SDCCAG8: variants seen among roughly 807,000 people sequenced by gnomAD.
The protein encoded by SDCCAG8 is serologically defined colon cancer antigen 8.
A neutral mutation model predicts 101.8 loss-of-function variants in SDCCAG8; 74 were observed. That is an observed-to-expected ratio of 0.73 (90% CI 0.60 to 0.88). The LOEUF (loss-of-function observed/expected upper bound fraction) is 0.88. SDCCAG8 is among the 40% of genes least tolerant of loss of function. The pLI is 0.00. For missense variants in SDCCAG8, 787 were observed against 822.6 expected, an observed-to-expected ratio of 0.96 and a Z score of 0.53; for synonymous variants, 281 against 292.9, an observed-to-expected ratio of 0.96 and a Z score of 0.41.
In SDCCAG8 at chr1:243,274,628, A is replaced by G. The variant is rs746959035; in HGVS notation, c.392A>G (p.His131Arg). ...AATGACCAGTCTCAATATATTCATCATTTAGAGGCAGAAGTTAAGTTCTGC... is the reference window on the plus strand; with the variant it reads ...AATGACCAGTCTCAATATATTCATCGTTTAGAGGCAGAAGTTAAGTTCTGC... ...TINDQSQYIH[H>R]LEAEVKFCKE... The change falls in exon 4 of 18, where the codon CAT becomes CGT. Residue 131 changes from histidine to arginine, a missense_variant. Coordinates refer to ENST00000366541, the MANE Select transcript of SDCCAG8 (RefSeq NM_006642.5). 1 of 1,606,136 alleles carries G rather than the reference A, an allele frequency of 6.2e-7. No homozygotes were observed. Among genetic ancestry groups the G allele is most frequent in the Non-Finnish European group, 8.5e-7 (1 of 1,173,374 alleles).
chr1:243,308,064 T>C lies in SDCCAG8; in HGVS notation c.816T>C (p.Ala272=). 6.2e-7 allele frequency: 1 copy of C among 1,614,212 alleles called. No homozygotes were observed. The change falls in exon 8 of 18, where the codon GCT becomes GCC. Residue 272 remains alanine, a synonymous_variant. Transcript: ENST00000366541. ...TAAAGCATAAAGAATTTCTTCTGGC[T>C]GCTAATACTTGTAACCGTGTTGGTG... The part of the protein sequence containing the change: ...EQLKHKEFLL[A]ANTCNRVGGL...
In SDCCAG8 at chr1:243,290,100, G is replaced by A. The variant is rs553271170; in HGVS notation, c.547-2991G>A. ...AAACATGTTATTTATTCAACATTTT[G>A]TCATGTGTCCTTCTTTAAAGATCCA... On this transcript the variant is annotated intron_variant, in intron 5 of 17. Coordinates refer to ENST00000366541, the MANE Select transcript of SDCCAG8 (RefSeq NM_006642.5). Among the ~76,000 whole-genome samples the A allele has an allele frequency of 1.0e-3, 152 of 151,960 alleles. 2 individuals are homozygous for A. The South Asian group carries it at 0.019, about 19-fold the overall frequency.
At chr1:243,331,848 A>G (rs1455576256) in intron 10 of SDCCAG8, among the ~76,000 whole-genome samples, 2 of 151,364 alleles carry the variant, frequency 1.3e-5, no homozygotes, top group African/African-American at 2.4e-5. Context: ...GGAACGATGC[A>G]GTTTCCTCAT....
rs538110408 is a variant in SDCCAG8, at chr1:243,368,236, G to A, written c.1474-10485G>A. Among the ~76,000 whole-genome samples, 631 of 151,090 alleles carry A rather than the reference G, an allele frequency of 4.2e-3. 5 individuals are homozygous for A. Among genetic ancestry groups the A allele is most frequent in the African/African-American group, 0.014 (571 of 41,226 alleles). On this transcript the variant is annotated intron_variant, in intron 12 of 17. Transcript: ENST00000366541. ...CAAAAAAAAAAAAAGAAGAAGAAGAGAAAAGAAAAGAAGGGCCAAACTGTT... is the reference window on the plus strand; with the variant it reads ...CAAAAAAAAAAAAAGAAGAAGAAGAAAAAAGAAAAGAAGGGCCAAACTGTT...
At chr1:243,309,516 T>C (rs1476530688) in intron 8 of SDCCAG8, among the ~76,000 whole-genome samples, 1 of 152,168 alleles carries the variant, frequency 6.6e-6, no homozygotes, top group Non-Finnish European at 1.5e-5. Flanking sequence ...GAGTTGCTGT[T>C]GTTTTCGAGT....
intron 16 of SDCCAG8, among the ~76,000 whole-genome samples, chr1:243,436,221 C>T (rs1249597394): frequency 7.1e-6 from 1 of 140,614 alleles, no homozygotes; most frequent in Non-Finnish European, 1.5e-5. Flanking sequence ...AGCAAAAGAA[C>T]AAAGCTTCCA....
intron 16 of SDCCAG8, among the ~76,000 whole-genome samples, chr1:243,442,384 A>G (rs994950235): frequency 2.0e-5 from 3 of 152,020 alleles, no homozygotes; most frequent in East Asian, 1.9e-4. Context: ...GACGTCATAG[A>G]CTCTGGATTA....
chr1:243,262,458 A>G (rs941442374), intron 1 of SDCCAG8, among the ~76,000 whole-genome samples: 1 of 152,124 alleles, frequency 6.6e-6, no homozygotes, highest in Non-Finnish European at 1.5e-5. Flanking sequence ...ATTTTACTAG[A>G]ACTTAAAAGT....
intron 10 of SDCCAG8, among the ~76,000 whole-genome samples, chr1:243,334,780 T>A (rs893611284): frequency 4.0e-5 from 6 of 151,888 alleles, no homozygotes; most frequent in Admixed American, 2.6e-4. Context: ...TAGAGACAGG[T>A]TTTTGCCATG....
chr1:243,268,067 C>G (rs2067777274), intron 1 of SDCCAG8: 1 of 758,122 alleles, frequency 1.3e-6, no homozygotes, highest in African/African-American at 1.7e-5. Flanking sequence ...ATCTCTGAGA[C>G]TAAGCGTTTG....
intron 13 of SDCCAG8, among the ~76,000 whole-genome samples, chr1:243,380,319 T>C (rs1160207582): frequency 6.6e-6 from 1 of 152,246 alleles, no homozygotes; most frequent in East Asian, 1.9e-4. Flanking sequence ...TTTAGCTTCA[T>C]CATGGTAATG....
chr1:243,348,865 A>T (rs1283336174), intron 12 of SDCCAG8, among the ~76,000 whole-genome samples: 1 of 152,030 alleles, frequency 6.6e-6, no homozygotes, highest in Non-Finnish European at 1.5e-5. Context: ...ACATGCCTGT[A>T]ATCCCAGCTA....
intron 12 of SDCCAG8, among the ~76,000 whole-genome samples, chr1:243,353,966 A>G (rs947878084): frequency 1.3e-5 from 2 of 152,234 alleles, no homozygotes; most frequent in Non-Finnish European, 2.9e-5. Context: ...CTAGAAATAA[A>G]GAATTGACAA....
At chr1:243,467,935 G>C (rs1660459449) in intron 16 of SDCCAG8, among the ~76,000 whole-genome samples, 1 of 152,212 alleles carries the variant, frequency 6.6e-6, no homozygotes, top group African/African-American at 2.4e-5. Flanking sequence ...AGCATACACA[G>C]AAATTTGGTA....
intron 16 of SDCCAG8, among the ~76,000 whole-genome samples, chr1:243,429,991 C>G (rs2148053896): frequency 6.6e-6 from 1 of 152,202 alleles, no homozygotes; most frequent in Non-Finnish European, 1.5e-5. Context: ...GCCACCATGC[C>G]TGGCCTAATT....
intron 16 of SDCCAG8, among the ~76,000 whole-genome samples, chr1:243,478,396 C>G (rs933678467): frequency 1.3e-5 from 2 of 152,152 alleles, no homozygotes; most frequent in African/African-American, 4.8e-5. Context: ...CCTCTCAGCC[C>G]TAACATAATA....
At chr1:243,399,811 G>A (rs182176376) in intron 13 of SDCCAG8, among the ~76,000 whole-genome samples, 27 of 152,220 alleles carry the variant, frequency 1.8e-4, no homozygotes, top group Non-Finnish European at 3.4e-4. Context: ...CACTCAGCCC[G>A]TTTCTTGGAA....
At chr1:243,383,136 C>T (rs183611691) in intron 13 of SDCCAG8, among the ~76,000 whole-genome samples, 35 of 152,116 alleles carry the variant, frequency 2.3e-4, no homozygotes, top group Non-Finnish European at 4.4e-4. Context: ...GAAGAACAGC[C>T]ACCAGCCGAT....
intron 16 of SDCCAG8, among the ~76,000 whole-genome samples, chr1:243,442,922 C>A (rs1209687355): frequency 6.6e-6 from 1 of 152,182 alleles, no homozygotes; most frequent in Non-Finnish European, 1.5e-5. Context: ...AATTCAAATC[C>A]TTTCCCAATA....
Sources: allele counts gnomAD v4.1 joint callset (sites outside exome capture counted in the v4.1 genomes callset), GRCh38; gene constraint gnomAD v4.1.1; transcripts MANE v1.5; gene names NCBI Gene and HGNC (gene_info 2026-07-23, HGNC 2026-07-21).